The following PAK2 variants were observed in gnomAD, a reference collection of about 807,000 sequenced individuals.
PAK2 encodes the protein serine/threonine-protein kinase PAK 2.
A neutral mutation model predicts 65.9 loss-of-function variants in PAK2; 21 were observed. The ratio of observed to expected loss-of-function variants is 0.32; its 90% CI spans 0.23 to 0.46. The LOEUF is 0.46. Ranked by LOEUF, PAK2 falls within the 20% of genes least tolerant of loss-of-function variation. PAK2 has a pLI of 1.00. For synonymous variants in PAK2, 204 were observed against 219.7 expected (o/e 0.93, Z 0.63); for missense variants, 324 against 642.6 (o/e 0.50, Z 5.36).
At chr3:196,762,954 A>C (rs114965838) in intron 1 of PAK2, among the ~76,000 whole-genome samples, 1 of 152,210 alleles carries the variant, frequency 6.6e-6, no homozygotes, top group African/African-American at 2.4e-5. Flanking sequence ...TTGACTGACT[A>C]TAACAGGGTA....
intron 1 of PAK2, among the ~76,000 whole-genome samples, chr3:196,776,263 A>G (rs75791178): frequency 0.099 from 15,068 of 152,262 alleles, 1,227 homozygotes; most frequent in East Asian, 0.44. Flanking sequence ...GTAATAATAT[A>G]CTTAATGGAA....
At chr3:196,805,698 TC>T (rs2108758876) in intron 5 of PAK2, among the ~76,000 whole-genome samples, 1 of 152,208 alleles carries the variant, frequency 6.6e-6, no homozygotes, top group East Asian at 1.9e-4. Flanking sequence ...CCCTCAGTTT[TC>T]CTTCTGGTAC....
rs1373223982 is a variant in PAK2 at position 196,751,057 on chromosome 3, A to G, written c.-22+10900A>G. Among the ~76,000 whole-genome samples the G allele has an allele frequency of 3.9e-5, 6 of 152,188 alleles. No individual in the cohort carries two copies. The East Asian group carries it at 9.6e-4, about 24-fold the overall frequency. Reference sequence around the variant, plus strand: ...TCCTCATTCCCTACCTCCAGCCCCCAGTAGCCTATCTCTAATCTGTTTTCT... The same window carrying G: ...TCCTCATTCCCTACCTCCAGCCCCCGGTAGCCTATCTCTAATCTGTTTTCT... On this transcript the variant is annotated intron_variant, in intron 1 of 14. Coordinates refer to ENST00000327134, the MANE Select transcript of PAK2 (RefSeq NM_002577.4).
At chr3:196,781,293 C>G (rs1490206623) in intron 1 of PAK2, among the ~76,000 whole-genome samples, 1 of 152,154 alleles carries the variant, frequency 6.6e-6, no homozygotes, top group Non-Finnish European at 1.5e-5. Context: ...ATGTTGTTTT[C>G]TAACATATGG....
chr3:196,803,518 T>C (rs1161418021), intron 4 of PAK2, among the ~76,000 whole-genome samples: 2 of 152,200 alleles, frequency 1.3e-5, no homozygotes, highest in Non-Finnish European at 2.9e-5. Context: ...GATAGACATG[T>C]TCATACTAGA....
In PAK2 at chr3:196,742,823, C is replaced by A. The variant is rs113356542; in HGVS notation, c.-22+2666C>A. Reference sequence around the variant, plus strand: ...TCCCAGCTACTCGGGAGGCTGAGGCCGGAGAATGGCGTGATGAACCCGGGA... The same window carrying A: ...TCCCAGCTACTCGGGAGGCTGAGGCAGGAGAATGGCGTGATGAACCCGGGA... On this transcript the variant is annotated intron_variant, in intron 1 of 14. Coordinates refer to ENST00000327134, the MANE Select transcript of PAK2 (RefSeq NM_002577.4). Among the ~76,000 whole-genome samples, 392 of 152,110 alleles carry A rather than the reference C, an allele frequency of 2.6e-3. 1 individual carries two copies. Among genetic ancestry groups the A allele is most frequent in the African/African-American group, 9.1e-3 (377 of 41,482 alleles).
chr3:196,806,524 G>A, intron 5 of PAK2, 55 bp from the exon 6 acceptor site: 4 of 1,065,046 alleles, frequency 3.8e-6, no homozygotes, highest in South Asian at 1.3e-5. Flanking sequence ...AAGGGCGATA[G>A]TCGCATTTAA....
At chr3:196,767,366 G>T (rs1347149534) in intron 1 of PAK2, among the ~76,000 whole-genome samples, 1 of 151,984 alleles carries the variant, frequency 6.6e-6, no homozygotes, top group African/African-American at 2.4e-5. Flanking sequence ...CCTATGACTT[G>T]AAAATTGTAG....
At chr3:196,800,968 G>T (rs368048540) in intron 2 of PAK2, among the ~76,000 whole-genome samples, 1 of 152,134 alleles carries the variant, frequency 6.6e-6, no homozygotes, top group Non-Finnish European at 1.5e-5. Flanking sequence ...AGCTGAGAGG[G>T]AGGGGGTAGG....
rs201478542 is a variant in PAK2 at position 196,807,770 on chromosome 3, G to A, written c.577-12G>A. ...ATTCCTCAAACCTTGGTAATGAACT[G>A]TGTCTCCACAGATTTACACACGGTC... is the stretch of plus-strand genomic sequence containing the variant. On this transcript the variant is annotated splice_polypyrimidine_tract_variant and intron_variant, in intron 6 of 14. Coordinates refer to ENST00000327134, the MANE Select transcript of PAK2 (RefSeq NM_002577.4). 1.3e-6 allele frequency: 2 copies of A among 1,520,540 alleles called. No homozygotes were observed. The highest frequency in any genetic ancestry group is 9.1e-7 in the Non-Finnish European group (1 of 1,103,604). 94.2% of individuals were successfully genotyped at this position (1,520,540 alleles called of 1,614,324 possible).
chr3:196,794,217 G>T (rs1715170608), intron 2 of PAK2, among the ~76,000 whole-genome samples: 1 of 152,140 alleles, frequency 6.6e-6, no homozygotes, highest in African/African-American at 2.4e-5. Context: ...ACAGTTAAAA[G>T]ATCTGACTAA....
chr3:196,772,612 A>G (rs904437340), intron 1 of PAK2, among the ~76,000 whole-genome samples: 4 of 151,980 alleles, frequency 2.6e-5, no homozygotes, highest in African/African-American at 7.3e-5. Flanking sequence ...TGTTATGGCC[A>G]TTGTCACCGT....
At chr3:196,742,136 C>A (rs1301332180) in intron 1 of PAK2, among the ~76,000 whole-genome samples, 1 of 127,926 alleles carries the variant, frequency 7.8e-6, no homozygotes, top group South Asian at 2.4e-4. Context: ...GTTTCAGTTG[C>A]CCAGGCTGGA....
intron 13 of PAK2, among the ~76,000 whole-genome samples, chr3:196,821,278 G>C (rs778033460): frequency 2.0e-5 from 3 of 152,064 alleles, no homozygotes; most frequent in Non-Finnish European, 4.4e-5. Flanking sequence ...GGTGAGCCAA[G>C]ATAGCACTAC....
At chr3:196,799,676 G>C in intron 2 of PAK2, among the ~76,000 whole-genome samples, 1 of 152,116 alleles carries the variant, frequency 6.6e-6, no homozygotes, top group African/African-American at 2.4e-5. Flanking sequence ...TTTTTTTGAG[G>C]CAGTCTCACG....
chr3:196,795,668 T>C (rs1715236052), intron 2 of PAK2, among the ~76,000 whole-genome samples: 1 of 152,166 alleles, frequency 6.6e-6, no homozygotes, highest in Non-Finnish European at 1.5e-5. Context: ...AGCCTAGAAT[T>C]CTATACTATT....
chr3:196,799,229 A>G (rs1353515542), intron 2 of PAK2, among the ~76,000 whole-genome samples: 1 of 152,230 alleles, frequency 6.6e-6, no homozygotes, highest in East Asian at 1.9e-4. Flanking sequence ...TCAAGAAACA[A>G]CTGTGTTTCT....
chr3:196,829,293 C>T lies in PAK2; in HGVS notation c.*888C>T, dbSNP rs1026844328. 2.6e-5 allele frequency: 4 copies of T among 152,536 alleles called. No individual in the cohort carries two copies. The highest frequency in any genetic ancestry group is 9.7e-5 in the African/African-American group (4 of 41,416). 9.4% of individuals were successfully genotyped at this position (152,536 alleles called of 1,614,324 possible). ...TTGTGACTTTGGTTAGTGCCACTAC[C>T]TTCTTCCCTCCTTTCCCCCTTCAAT... On this transcript the variant is annotated 3_prime_UTR_variant, in exon 15 of 15. Transcript: ENST00000327134.
intron 2 of PAK2, among the ~76,000 whole-genome samples, chr3:196,796,714 G>A (rs1039243383): frequency 6.6e-6 from 1 of 152,012 alleles, no homozygotes; most frequent in Admixed American, 6.6e-5. Context: ...AAAACATAAA[G>A]CCACAAAATA....
Sources: gnomAD v4.1 joint callset for allele counts (sites outside exome capture counted in the v4.1 genomes callset) on GRCh38, gnomAD v4.1.1 for gene constraint, MANE v1.5 for transcripts, NCBI Gene and HGNC (gene_info 2026-07-23, HGNC 2026-07-21) for gene names.